CACNA1F: variants seen among roughly 807,000 people sequenced by gnomAD.
CACNA1F encodes calcium voltage-gated channel subunit alpha1 F.
A neutral mutation model predicts 143.8 loss-of-function variants in CACNA1F; 59 were observed. That is an observed-to-expected ratio of 0.41 (90% CI 0.33 to 0.51). The LOEUF (loss-of-function observed/expected upper bound fraction) is 0.51, where lower values mean the gene tolerates loss of function less well. Among genes scored for constraint, CACNA1F ranks in the 20% least tolerant of loss-of-function variants. The pLI, the probability that CACNA1F is intolerant of heterozygous loss-of-function variation, is 0.22. For synonymous variants in CACNA1F, 643 were observed against 649.1 expected, an observed-to-expected ratio of 0.99 and a Z score of 0.14; for missense variants, 1,411 against 1,647.5, an observed-to-expected ratio of 0.86 and a Z score of 2.48.
In CACNA1F at chrX:49,219,759, CTCT is replaced by C. The variant is rs375862263; in HGVS notation, c.2415_2417del (p.Glu814del). 2 of 1,132,593 alleles carry C rather than the reference CTCT, an allele frequency of 1.8e-6. No individual in the cohort carries two copies. The highest frequency in any genetic ancestry group is 2.4e-6 in the Non-Finnish European group (2 of 843,601). 93.3% of individuals were successfully genotyped at this position (1,132,593 alleles called of 1,213,427 possible). On this transcript the variant is annotated inframe_deletion, in exon 20 of 48. Transcript: ENST00000323022. ...CCTCTTCCTCTTCTTCCTCTTCTTC[CTCT>C]TCTTCCTCCTCCTCCTCCTCCTCCA...
At position 49,222,992 on chromosome X, in the gene CACNA1F, G is replaced by A. The variant is rs782069106; in HGVS notation, c.2022C>T (p.Asp674=). The change falls in exon 15 of 48, where the codon GAC becomes GAT. Residue 674 remains aspartate, a synonymous_variant. Coordinates refer to ENST00000323022, the MANE Select transcript of CACNA1F (RefSeq NM_001256789.3). ...AGGTGCTTCGCTTGGTGTGGGTCTG[G>A]TCAAAGTTGAACTTGCCCCCAAACA... ...MQLFGGKFNF[D]QTHTKRSTFD... is the part of the protein sequence containing the mutation. 1 of 1,199,390 alleles carries A rather than the reference G, an allele frequency of 8.3e-7. No individual in the cohort carries two copies. Among genetic ancestry groups the A allele is most frequent in the Admixed American group, 2.3e-5 (1 of 43,987 alleles).
At chrX:49,218,367 C>T in intron 24 of CACNA1F, 88 bp downstream of exon 24, 1 of 724,193 alleles carries the variant, frequency 1.4e-6, no homozygotes, top group South Asian at 2.4e-5. Context: ...GGTCATGCAT[C>T]CGTGCAAATG....
intron 29 of CACNA1F, 143 bp from the exon 30 acceptor site, chrX:49,214,412 C>T (rs1299596999): frequency 2.0e-6 from 1 of 506,665 alleles, no homozygotes; most frequent in African/African-American, 2.3e-5. Flanking sequence ...TGTCTGCCTC[C>T]CATTATGGAT....
chrX:49,206,467 A>G (rs1196664640), intron 46 of CACNA1F, 44 bp downstream of exon 46: 3 of 862,431 alleles, frequency 3.5e-6, no homozygotes, highest in African/African-American at 4.3e-5. Context: ...GGCTGCCCCC[A>G]TCTCTCCAGA....
At chrX:49,223,218 CAGCT>C in intron 14 of CACNA1F, 82 bp from the exon 15 acceptor site, 1 of 634,871 alleles carries the variant, frequency 1.6e-6, no homozygotes, top group Non-Finnish European at 2.5e-6. Context: ...GGCAGGGCTC[CAGCT>C]TGAGATGCAC....
At position 49,228,364 on chromosome X, in the gene CACNA1F, C is replaced by A; in HGVS notation, c.901G>T (p.Gly301Trp). 1 of 1,210,530 alleles carries A rather than the reference C, an allele frequency of 8.3e-7. No individual in the cohort carries two copies. ...ACTLNQTECR[G>W]RWPGPNGGIT... ...CCTCCATTGGGCCCTGGCCAGCGCC[C>A]GCGGCACTCAGTCTGGTTCAGCGTG... Residue 301 changes from glycine to tryptophan, a missense_variant, in exon 7 of 48, where the codon GGG becomes TGG. By Grantham distance (184) the Gly-to-Trp change is radical (BLOSUM62 -2). Coordinates refer to ENST00000323022, the MANE Select transcript of CACNA1F (RefSeq NM_001256789.3).
At chrX:49,205,584 A>G in intron 47 of CACNA1F, 32 bp downstream of exon 47, 3 of 1,172,871 alleles carry the variant, frequency 2.6e-6, no homozygotes, top group Non-Finnish European at 3.5e-6. Flanking sequence ...CTTCTCCCCC[A>G]TCCGTCTTGT....
At position 49,216,498 on chromosome X, in the gene CACNA1F, G is replaced by C. The variant is rs782623110; in HGVS notation, c.3120C>G (p.Asp1040Glu). 1 of 1,204,450 alleles carries C rather than the reference G, an allele frequency of 8.3e-7. No homozygotes were observed. The highest frequency in any genetic ancestry group is 1.7e-5 in the African/African-American group (1 of 57,772). ...KGSFLVYPDG[D>E]VSRPLVRERL... ...GCTCCCGGACCAGGGGCCGTGACAC[G>C]TCTCCATCTGGGTATACCAGGAAGG... The change falls in exon 27 of 48, where the codon GAC becomes GAG. Residue 1040 changes from aspartate to glutamate, a missense_variant. Asp to Glu is a conservative substitution (Grantham distance 45). Around this residue, in one of 3 missense-constraint regions of CACNA1F, gnomAD observed 950 missense variants for 1,128.1 expected, o/e 0.84. Coordinates refer to ENST00000323022, the MANE Select transcript of CACNA1F (RefSeq NM_001256789.3).
intron 26 of CACNA1F, 139 bp downstream of exon 26, chrX:49,217,616 A>T (rs2065730758): frequency 1.7e-6 from 1 of 578,123 alleles, no homozygotes; most frequent in Non-Finnish European, 3.0e-6. Flanking sequence ...GCCGCCGAAG[A>T]CTTGGTGAGA....
intron 3 of CACNA1F, 76 bp from the exon 4 acceptor site, chrX:49,231,065 G>T: frequency 1.1e-6 from 1 of 885,639 alleles, no homozygotes; most frequent in Non-Finnish European, 1.6e-6. Context: ...GGCGTGGGGA[G>T]CATAGTCAGG....
In CACNA1F at chrX:49,226,489, G is replaced by A; in HGVS notation, c.1383C>T (p.Ala461=). ...TCTCTGTCATGGAACCGGTGTCACT[G>A]GCTGGGAGGCTGGCTGTAGGCAAGG... The part of the protein sequence containing the change: ...HSTSSHASLP[A]SDTGSMTETQ... Residue 461 remains alanine, a synonymous_variant, in exon 11 of 48, where the codon GCC becomes GCT. Transcript: ENST00000323022. The A allele has an allele frequency of 8.4e-7, 1 of 1,186,672 alleles. No individual in the cohort carries two copies. Among genetic ancestry groups the A allele is most frequent in the South Asian group, 1.9e-5 (1 of 53,935 alleles).
chrX:49,213,258 A>G (rs1557106690), intron 31 of CACNA1F, among the ~76,000 whole-genome samples: 1 of 111,696 alleles, frequency 9.0e-6, no homozygotes. Flanking sequence ...CAGTGGTGTC[A>G]TAGAGATGAT....
At chrX:49,216,607 G>T in intron 26 of CACNA1F, 79 bp from the exon 27 acceptor site, 2 of 922,714 alleles carry the variant, frequency 2.2e-6, no homozygotes, top group Non-Finnish European at 3.1e-6. Context: ...CAGCATGGAG[G>T]CAGCAGGACA....
intron 46 of CACNA1F, 106 bp downstream of exon 46, chrX:49,206,392 CAAAAAAAAAAAAA>C (rs1168190548): frequency 1.8e-5 from 3 of 170,524 alleles, no homozygotes; most frequent in Admixed American, 1.2e-4. Context: ...AACTCTGTCT[CAAAAAAAAAAAAA>C]AAAAAAAAAA....
chrX:49,211,147 A>G, intron 36 of CACNA1F, 55 bp from the exon 37 acceptor site: 1 of 1,179,364 alleles, frequency 8.5e-7, no homozygotes, highest in Non-Finnish European at 1.2e-6. Flanking sequence ...ACTGTCATGG[A>G]CGGATGGTGG....
chrX:49,228,496 C>G (rs782707196), intron 6 of CACNA1F, 49 bp from the exon 7 acceptor site: 1 of 1,022,281 alleles, frequency 9.8e-7, no homozygotes, highest in African/African-American at 1.9e-5. Flanking sequence ...CACTCTCAGT[C>G]GCTGCCACCC....
In CACNA1F at chrX:49,209,564, G is replaced by A. The variant is rs2065634073; in HGVS notation, c.4821+65C>T. 6 of 1,188,307 alleles carry A rather than the reference G, an allele frequency of 5.0e-6. No homozygotes were observed. In the East Asian group the frequency reaches 1.8e-4, roughly 35 times the overall value. On this transcript the variant is annotated intron_variant, in intron 41 of 47. Transcript: ENST00000323022. ...GACATGGGTTTCACAAGATCAAAATGGGGGTCAGCCTCAGCCACAGCACTG... is the reference window on the plus strand; with the variant it reads ...GACATGGGTTTCACAAGATCAAAATAGGGGTCAGCCTCAGCCACAGCACTG...
At position 49,224,808 on chromosome X, in the gene CACNA1F, G is replaced by C; in HGVS notation, c.1830C>G (p.Ile610Met). Residue 610 changes from isoleucine to methionine, a missense_variant, in exon 14 of 48, where the codon ATC becomes ATG. Physicochemically the swap from Ile to Met is conservative, Grantham distance 10 (BLOSUM62 1). Transcript: ENST00000323022. ...VEVGAMQPLG[I>M]SVLRCVRLLR... is the part of the protein sequence containing the mutation. Reference sequence around the variant, plus strand: ...GGAGGCGCACACATCGGAGCACTGAGATGCCCAAGGGCTGCATGGCACCCA... The same window carrying C: ...GGAGGCGCACACATCGGAGCACTGACATGCCCAAGGGCTGCATGGCACCCA... 2 of 1,195,644 alleles carry C rather than the reference G, an allele frequency of 1.7e-6. No individual in the cohort carries two copies. The highest frequency in any genetic ancestry group is 3.6e-5 in the South Asian group (2 of 55,055).
In CACNA1F at chrX:49,216,619, A is replaced by T; in HGVS notation, c.3090-91T>A. The T allele has an allele frequency of 3.6e-6, 3 of 839,229 alleles. No homozygotes were observed. In the African/African-American group the frequency reaches 6.0e-5, roughly 17 times the overall value. 69.2% of individuals were successfully genotyped at this position (839,229 alleles called of 1,213,427 possible). ...CTCCAGCATGGAGGCAGCAGGACAT[A>T]GTGGTGGAGCAATATGTTCTAGGTT... is the stretch of plus-strand genomic sequence containing the variant. On this transcript the variant is annotated intron_variant, in intron 26 of 47. Coordinates refer to ENST00000323022, the MANE Select transcript of CACNA1F (RefSeq NM_001256789.3).
Sources: allele counts gnomAD v4.1 joint callset (sites outside exome capture counted in the v4.1 genomes callset), GRCh38; gene constraint gnomAD v4.1.1; regional missense constraint gnomAD v4.1.1; transcripts MANE v1.5; gene names NCBI Gene and HGNC (gene_info 2026-07-23, HGNC 2026-07-21).